SAFB2: variants seen among roughly 807,000 people sequenced by gnomAD.
The protein encoded by SAFB2 is scaffold attachment factor B2.
Under a neutral mutation model 100.6 loss-of-function variants are expected in SAFB2, and 32 were observed. The ratio of observed to expected loss-of-function variants is 0.32; its 90% CI spans 0.24 to 0.43. The LOEUF (loss-of-function observed/expected upper bound fraction) is 0.43, where lower values mean the gene tolerates loss of function less well. SAFB2 is among the 20% of genes least tolerant of loss of function. SAFB2 has a pLI of 1.00. For synonymous variants in SAFB2, 500 were observed against 439.4 expected (o/e 1.14, Z -1.72); for missense variants, 1,185 against 1,163.4 (o/e 1.02, Z -0.27).
intron 1 of SAFB2, 111 bp from the exon 2 acceptor site, chr19:5,621,507 G>GC (rs2053146279): frequency 2.6e-6 from 2 of 763,854 alleles, no homozygotes; most frequent in Non-Finnish European, 4.7e-6. Context: ...CTTGCAAAGA[G>GC]CAACTCCGGG....
chr19:5,613,460 C>T lies in SAFB2; in HGVS notation c.606+5G>A. The T allele has an allele frequency of 6.2e-7, 1 of 1,612,134 alleles. No homozygotes were observed. The highest frequency in any genetic ancestry group is 8.5e-7 in the Non-Finnish European group (1 of 1,178,570). On this transcript the variant is annotated splice_donor_5th_base_variant and intron_variant, in intron 5 of 20. Transcript: ENST00000252542. ...CCAGCGATGCAGAACCAGATGGTAA[C>T]TTACCGGAGTTACTTTGAAGTTCAA...
chr19:5,602,114 A>AATAAG (rs1404562411), intron 11 of SAFB2, among the ~76,000 whole-genome samples: 2 of 152,186 alleles, frequency 1.3e-5, no homozygotes, highest in African/African-American at 4.8e-5. Context: ...TGAAGAAAAA[A>AATAAG]ATAAGGTCAA....
At chr19:5,596,004 C>A (rs1489261488) in intron 13 of SAFB2, among the ~76,000 whole-genome samples, 1 of 152,226 alleles carries the variant, frequency 6.6e-6, no homozygotes, top group African/African-American at 2.4e-5. Flanking sequence ...GTGGCTCACA[C>A]CTGTAATCCC....
intron 9 of SAFB2, 90 bp downstream of exon 9, chr19:5,609,905 T>G: frequency 8.7e-7 from 1 of 1,155,204 alleles, no homozygotes; most frequent in South Asian, 1.3e-5. Context: ...CCCAAACTGC[T>G]GGGATTATAG....
At chr19:5,588,702 G>A (rs559011774) in intron 18 of SAFB2, among the ~76,000 whole-genome samples, 1 of 152,218 alleles carries the variant, frequency 6.6e-6, no homozygotes, top group South Asian at 2.1e-4. Context: ...GGGACCTGTG[G>A]CTACCAAGGG....
intron 8 of SAFB2, 35 bp from the exon 9 acceptor site, chr19:5,610,130 A>G: frequency 6.5e-7 from 1 of 1,548,656 alleles, no homozygotes; most frequent in South Asian, 1.1e-5. Flanking sequence ...GCATCACCCC[A>G]AGGCCTAACA....
intron 13 of SAFB2, 181 bp downstream of exon 13, chr19:5,598,612 G>C (rs1568213520): frequency 4.9e-6 from 3 of 617,680 alleles, no homozygotes; most frequent in Admixed American, 2.5e-5. Flanking sequence ...GATGGGCACT[G>C]CTCTGCAGAA....
chr19:5,612,742 T>G (rs765584164), intron 5 of SAFB2, among the ~76,000 whole-genome samples, 175 bp from the exon 6 acceptor site: 2 of 152,192 alleles, frequency 1.3e-5, no homozygotes, highest in African/African-American at 2.4e-5. Flanking sequence ...CAGCTCATTT[T>G]AACAGTTTCC....
intron 1 of SAFB2, among the ~76,000 whole-genome samples, chr19:5,622,181 G>A (rs149416849): frequency 0.014 from 2,135 of 152,342 alleles, 55 homozygotes; most frequent in African/African-American, 0.049. Context: ...ATTCTCCGGA[G>A]GAGGAAACTG....
intron 1 of SAFB2, 89 bp downstream of exon 1, chr19:5,622,441 G>A (rs1351613552): frequency 1.5e-6 from 2 of 1,334,956 alleles, no homozygotes; most frequent in Non-Finnish European, 9.8e-7. Context: ...CGAACCCAGG[G>A]CGCCCCGGGT....
intron 9 of SAFB2, among the ~76,000 whole-genome samples, chr19:5,607,000 G>A (rs1483047777): frequency 2.0e-5 from 3 of 152,194 alleles, no homozygotes; most frequent in Non-Finnish European, 4.4e-5. Flanking sequence ...GGTGGCTCAC[G>A]CCTGTAATCT....
In SAFB2 at chr19:5,587,903, G is replaced by A. The variant is rs113767345; in HGVS notation, c.2603C>T (p.Ala868Val). The A allele has an allele frequency of 1.2e-6, 2 of 1,612,612 alleles. No individual in the cohort carries two copies. Among genetic ancestry groups the A allele is most frequent in the African/African-American group, 1.3e-5 (1 of 75,074 alleles). ...GGCGTGCTCCCGGCTAGCCGCGCCTGCGTCCATGGCACCCTGCCAGGCGCG... is the reference window on the plus strand; with the variant it reads ...GGCGTGCTCCCGGCTAGCCGCGCCTACGTCCATGGCACCCTGCCAGGCGCG... ...QARAWQGAMD[A>V]GAASREHARW... The change falls in exon 19 of 21, where the codon GCA (alanine) becomes GTA (valine). Residue 868 changes from alanine (A) to valine (V), a missense_variant. Physicochemically the swap from Ala to Val is moderately conservative, Grantham distance 64. This residue lies in a region of SAFB2 where 740 missense variants were observed against 687.1 expected (regional missense o/e 1.08). Transcript: ENST00000252542. This position sits in a 1 kb window ranked among gnomAD's most constrained non-coding sequence, Gnocchi z 4.9.
chr19:5,601,152 A>T (rs527587616), intron 11 of SAFB2, among the ~76,000 whole-genome samples: 3 of 152,174 alleles, frequency 2.0e-5, no homozygotes, highest in African/African-American at 7.2e-5. Flanking sequence ...GTCTTTAAAA[A>T]AAATATATAT....
Position 5,592,848 on chromosome 19 carries a change from T to G in SAFB2, c.2247A>C (p.Ala749=). 3.7e-6 allele frequency: 6 copies of G among 1,614,172 alleles called. No homozygotes were observed. Among genetic ancestry groups the G allele is most frequent in the Non-Finnish European group, 5.1e-6 (6 of 1,180,032 alleles). The change falls in exon 16 of 21, where the codon GCA becomes GCC. Residue 749 remains alanine (A), a synonymous_variant. Transcript: ENST00000252542. ...DAYWPEGKRV[A]MEDRYRADFP... is the part of the protein sequence containing the mutation. The stretch of plus-strand genomic sequence containing the variant: ...AGTCTGCACGATATCGGTCCTCCAT[T>G]GCCACACGCTTTCCTTCTGGCCAAT...
chr19:5,593,788 C>G, intron 15 of SAFB2, 103 bp downstream of exon 15: 1 of 1,232,208 alleles, frequency 8.1e-7, no homozygotes, highest in Non-Finnish European at 1.1e-6. Context: ...AAATTTCATT[C>G]TCCCCACCGA....
chr19:5,619,908 G>A (rs1234686811), intron 2 of SAFB2, among the ~76,000 whole-genome samples: 2 of 150,808 alleles, frequency 1.3e-5, no homozygotes, highest in Non-Finnish European at 2.9e-5. Context: ...TGAGTAGTAA[G>A]TCTTGAACTT....
At chr19:5,601,084 GA>G (rs1257986110) in intron 11 of SAFB2, among the ~76,000 whole-genome samples, 1 of 152,172 alleles carries the variant, frequency 6.6e-6, no homozygotes, top group African/African-American at 2.4e-5. Context: ...CCATGCCAGG[GA>G]AGCCTCTCTG....
intron 7 of SAFB2, 123 bp from the exon 8 acceptor site, chr19:5,610,811 G>C: frequency 2.6e-6 from 2 of 773,100 alleles, no homozygotes; most frequent in South Asian, 1.9e-5. Context: ...AATTTTAACA[G>C]ACACCTCTGC....
chr19:5,620,376 C>A (rs1165136489), intron 2 of SAFB2, among the ~76,000 whole-genome samples: 1 of 152,238 alleles, frequency 6.6e-6, no homozygotes, highest in African/African-American at 2.4e-5. Context: ...AGGCCCCCTG[C>A]ACAGGAAACC....
Sources: gnomAD v4.1 joint callset for allele counts (sites outside exome capture counted in the v4.1 genomes callset) on GRCh38, gnomAD v4.1.1 for gene constraint, gnomAD v4.1.1 regional missense constraint, Gnocchi (gnomAD v3.1) non-coding constraint, MANE v1.5 for transcripts, NCBI Gene and HGNC (gene_info 2026-07-23, HGNC 2026-07-21) for gene names.